CMTM4: variants seen among roughly 807,000 people sequenced by gnomAD.
The protein encoded by CMTM4 is CKLF-like MARVEL transmembrane domain-containing protein 4.
In CMTM4, 8 loss-of-function variants were observed where a neutral mutation model predicts 19.0. That is an observed-to-expected ratio of 0.42 (90% CI 0.25 to 0.76). The LOEUF is 0.76. Among genes scored for constraint, CMTM4 ranks in the 30% least tolerant of loss-of-function variants. CMTM4 has a pLI of 0.27. For missense variants in CMTM4, 228 were observed against 290.2 expected, an observed-to-expected ratio of 0.79 and a Z score of 1.56; for synonymous variants, 106 against 121.1, an observed-to-expected ratio of 0.88 and a Z score of 0.82.
At chr16:66,678,109 C>A (rs774144730) in intron 1 of CMTM4, among the ~76,000 whole-genome samples, 2 of 152,078 alleles carry the variant, frequency 1.3e-5, no homozygotes, top group Non-Finnish European at 2.9e-5. Context: ...CCCAGGAATT[C>A]AAGGTGCAGT....
intron 1 of CMTM4, among the ~76,000 whole-genome samples, chr16:66,658,180 T>C (rs1596939409): frequency 6.7e-6 from 1 of 148,536 alleles, no homozygotes; most frequent in Non-Finnish European, 1.5e-5. Flanking sequence ...CAGTGAGCTA[T>C]GATTGAGAGA....
intron 1 of CMTM4, among the ~76,000 whole-genome samples, chr16:66,639,163 A>G (rs2016054803): frequency 6.6e-6 from 1 of 152,218 alleles, no homozygotes. Flanking sequence ...TACATGCCTA[A>G]CTTGCAATCA....
chr16:66,689,371 GT>G (rs201356464), intron 1 of CMTM4, among the ~76,000 whole-genome samples: 7 of 149,866 alleles, frequency 4.7e-5, no homozygotes, highest in Non-Finnish European at 7.4e-5. Flanking sequence ...TTTGTCAAAA[GT>G]TTTTTTTTTC....
intron 1 of CMTM4, among the ~76,000 whole-genome samples, chr16:66,694,420 C>T (rs2017193173): frequency 6.6e-6 from 1 of 152,052 alleles, no homozygotes; most frequent in South Asian, 2.1e-4. Context: ...TTTTAAAAGG[C>T]AATTGCAGGC....
Position 66,620,841 on chromosome 16 carries a change from A to C in CMTM4, c.*1217T>G, listed in dbSNP as rs1283632168. The C allele has an allele frequency of 1.0e-6, 1 of 985,488 alleles. No individual in the cohort carries two copies. The highest frequency in any genetic ancestry group is 1.2e-6 in the Non-Finnish European group (1 of 829,850). The allele number at this position is 985,488 out of a possible 1,614,324, so 61.0% of individuals were successfully genotyped here. Reference sequence around the variant, plus strand: ...ATAATTACTCTCTAATTTTTTAAAAAAACTACTGCATCATGGGGACTCACT... The same window carrying C: ...ATAATTACTCTCTAATTTTTTAAAACAACTACTGCATCATGGGGACTCACT... On this transcript the variant is annotated 3_prime_UTR_variant, in exon 4 of 4. Coordinates refer to ENST00000394106, the MANE Select transcript of CMTM4 (RefSeq NM_181521.3).
At chr16:66,628,321 G>A (rs895387143) in intron 2 of CMTM4, among the ~76,000 whole-genome samples, 8 of 152,188 alleles carry the variant, frequency 5.3e-5, no homozygotes, top group African/African-American at 1.9e-4. Context: ...GTGTCGGGCT[G>A]GGGGACGGTC....
Position 66,696,398 on chromosome 16 carries a change from A to C in CMTM4, c.128T>G (p.Leu43Arg), listed in dbSNP as rs1413015866. Residue 43 changes from leucine (L) to arginine (R), a missense_variant, in exon 1 of 4, where the codon CTG (leucine) becomes CGG (arginine). Leu to Arg is a moderately radical substitution (Grantham distance 102, BLOSUM62 -2). This residue lies in a region of CMTM4 where 200 missense variants were observed against 226.6 expected (regional missense o/e 0.88). Transcript: ENST00000394106. This position sits in a 1 kb window ranked among gnomAD's most constrained non-coding sequence, Gnocchi z 4.3. ...PVSQRRGLAG[L>R]RCDPDYLRGA... is the part of the protein sequence containing the mutation. Reference sequence around the variant, plus strand: ...GCGCAGGTAGTCGGGGTCGCAGCGCAGGCCGGCCAGCCCGCGGCGCTGGCT... The same window carrying C: ...GCGCAGGTAGTCGGGGTCGCAGCGCCGGCCGGCCAGCCCGCGGCGCTGGCT... 3.5e-6 allele frequency: 5 copies of C among 1,413,944 alleles called. No individual in the cohort carries two copies. Among genetic ancestry groups the C allele is most frequent in the Non-Finnish European group, 4.6e-6 (5 of 1,085,462 alleles). 87.6% of individuals were successfully genotyped at this position (1,413,944 alleles called of 1,614,324 possible).
chr16:66,616,530 C>G lies in CMTM4; in HGVS notation c.*5528G>C, dbSNP rs371823946. 9 of 152,292 alleles carry G rather than the reference C, an allele frequency of 5.9e-5. No individual in the cohort carries two copies. The highest frequency in any genetic ancestry group is 1.9e-4 in the East Asian group (1 of 5,186). 9.4% of individuals were successfully genotyped at this position (152,292 alleles called of 1,614,324 possible). On this transcript the variant is annotated 3_prime_UTR_variant, in exon 4 of 4. Transcript: ENST00000394106. Reference sequence around the variant, plus strand: ...TGAAAGAGTTGGGAACAGGCAGCCCCCTTTGGGCCTGGGTCAGCCTACGAG... The same window carrying G: ...TGAAAGAGTTGGGAACAGGCAGCCCGCTTTGGGCCTGGGTCAGCCTACGAG...
intron 2 of CMTM4, among the ~76,000 whole-genome samples, chr16:66,632,153 C>A (rs927502719): frequency 6.6e-6 from 1 of 152,092 alleles, no homozygotes; most frequent in Non-Finnish European, 1.5e-5. Context: ...AGTGTGGGGG[C>A]CCAGGATGCA....
Position 66,618,354 on chromosome 16 carries a change from G to T in CMTM4, c.*3704C>A, listed in dbSNP as rs1185123895. Reference sequence around the variant, plus strand: ...AAAGACTTCATGACTGTTTTGTTTTGAACACAGATGAGACAATAGGAACCC... The same window carrying T: ...AAAGACTTCATGACTGTTTTGTTTTTAACACAGATGAGACAATAGGAACCC... On this transcript the variant is annotated 3_prime_UTR_variant, in exon 4 of 4. Transcript: ENST00000394106. 1.0e-6 allele frequency: 1 copy of T among 985,306 alleles called. No individual in the cohort carries two copies. Among genetic ancestry groups the T allele is most frequent in the Non-Finnish European group, 1.2e-6 (1 of 829,942 alleles). The allele number at this position is 985,306 out of a possible 1,614,324, so 61.0% of individuals were successfully genotyped here.
the CMTM4 span, chr16:66,604,973 G>A: frequency 6.8e-6 from 10 of 1,473,294 alleles, no homozygotes; most frequent in Admixed American, 2.4e-5. Context: ...CGGGACCCTC[G>A]GCCGCCCCGC....
intron 1 of CMTM4, among the ~76,000 whole-genome samples, chr16:66,650,413 T>C (rs1158640822): frequency 6.6e-6 from 1 of 152,230 alleles, no homozygotes; most frequent in Non-Finnish European, 1.5e-5. Flanking sequence ...AGTATTTCTG[T>C]TGTGCTTTTA....
In CMTM4 at chr16:66,617,280, G is replaced by T; in HGVS notation, c.*4778C>A. Reference sequence around the variant, plus strand: ...AGGACCCATCATCTGAACTTTTCTAGGCAAGTTGCCAGTGATTCAAACTCA... The same window carrying T: ...AGGACCCATCATCTGAACTTTTCTATGCAAGTTGCCAGTGATTCAAACTCA... On this transcript the variant is annotated 3_prime_UTR_variant, in exon 4 of 4. Coordinates refer to ENST00000394106, the MANE Select transcript of CMTM4 (RefSeq NM_181521.3). 1 of 1,614,006 alleles carries T rather than the reference G, an allele frequency of 6.2e-7. No homozygotes were observed. The highest frequency in any genetic ancestry group is 8.5e-7 in the Non-Finnish European group (1 of 1,179,958).
At chr16:66,603,293 T>A in the CMTM4 span, among the ~76,000 whole-genome samples, 1 of 152,122 alleles carries the variant, frequency 6.6e-6, no homozygotes, top group Admixed American at 6.5e-5. Context: ...ATTTATTTTT[T>A]TTTTTATTTT....
intron 1 of CMTM4, among the ~76,000 whole-genome samples, chr16:66,678,454 A>T (rs2016847069): frequency 6.6e-6 from 1 of 152,196 alleles, no homozygotes. Context: ...CAAAAATACC[A>T]AGTATCTTTG....
At chr16:66,611,553 C>A (rs2015378003), downstream of CMTM4, among the ~76,000 whole-genome samples, 1 of 152,166 alleles carries the variant, frequency 6.6e-6, no homozygotes, top group Admixed American at 6.5e-5. Context: ...GCTGCCCACA[C>A]CCCAGCCCTG....
In CMTM4 at chr16:66,618,057, C is replaced by A; in HGVS notation, c.*4001G>T. 1.0e-6 allele frequency: 1 copy of A among 985,516 alleles called. No homozygotes were observed. The allele number at this position is 985,516 out of a possible 1,614,324, so 61.0% of individuals were successfully genotyped here. A position where few individuals can be genotyped will look rare whatever the true frequency, so the allele number is the denominator to read the frequency against. On this transcript the variant is annotated 3_prime_UTR_variant, in exon 4 of 4. Coordinates refer to ENST00000394106, the MANE Select transcript of CMTM4 (RefSeq NM_181521.3). ...GCCGTGTGTGGACCTCACCAGCCTA[C>A]CAAGCTGTTGGGCCTGGACGTGGGT...
In CMTM4 at chr16:66,646,032, G is replaced by A. The variant is rs139473519; in HGVS notation, c.187-9451C>T. Among the ~76,000 whole-genome samples the A allele has an allele frequency of 5.3e-3, 809 of 152,154 alleles. 5 individuals are homozygous for A. Among genetic ancestry groups the A allele is most frequent in the African/African-American group, 0.017 (696 of 41,516 alleles). ...GGAGAGCCATGGTGAATAAACAACA[G>A]CACATCTACATACAGTAAGAAACAC... On this transcript the variant is annotated intron_variant, in intron 1 of 3. Transcript: ENST00000394106.
rs1189906542 is a variant in CMTM4, at chr16:66,622,852, T to C, written c.462+552A>G. On this transcript the variant is annotated intron_variant, in intron 3 of 3. Transcript: ENST00000394106. This position sits in a 1 kb window ranked among gnomAD's most constrained non-coding sequence, Gnocchi z 4.0. ...GTGGCACCTGGGAGAGCAGTTCGTT[T>C]AATCATTTATAAACCTTTTAATCCC... is the stretch of plus-strand genomic sequence containing the variant. 6.6e-6 allele frequency among the ~76,000 whole-genome samples: 1 copy of C among 152,224 alleles called. No homozygotes were observed. Among genetic ancestry groups the C allele is most frequent in the African/African-American group, 2.4e-5 (1 of 41,464 alleles).
Sources: gnomAD v4.1 joint callset for allele counts (sites outside exome capture counted in the v4.1 genomes callset) on GRCh38, gnomAD v4.1.1 for gene constraint, gnomAD v4.1.1 regional missense constraint, Gnocchi (gnomAD v3.1) non-coding constraint, MANE v1.5 for transcripts, NCBI Gene and HGNC (gene_info 2026-07-23, HGNC 2026-07-21) for gene names.